The following RCBTB1 variants were observed in gnomAD, a reference collection of about 807,000 sequenced individuals.
The protein encoded by RCBTB1 is RCC1 and BTB domain containing protein 1.
A neutral mutation model predicts 62.4 loss-of-function variants in RCBTB1; 46 were observed. The observed-to-expected ratio is 0.74, with a 90% CI of 0.58 to 0.94. The LOEUF (loss-of-function observed/expected upper bound fraction) is 0.94. Ranked by LOEUF, RCBTB1 falls within the 40% of genes least tolerant of loss-of-function variation. The probability of loss-of-function intolerance (pLI) is 0.00; values close to 1 mark genes in which losing one functional copy is unlikely to be tolerated. For synonymous variants in RCBTB1, 222 were observed against 245.8 expected (o/e 0.90, Z 0.91); for missense variants, 565 against 654.9 (o/e 0.86, Z 1.50).
chr13:49,580,519 T>C lies in RCBTB1; in HGVS notation c.-56A>G, dbSNP rs1964038673. On this transcript the variant is annotated 5_prime_UTR_variant, in exon 2 of 13. Transcript: ENST00000378302. ...GGGAGGATCACCTGAGTCCAGGAGG[T>C]TGAGGCTGCAGTGAGCCGTGTTCAC... is the stretch of plus-strand genomic sequence containing the variant. 1 of 152,212 alleles carries C rather than the reference T, an allele frequency of 6.6e-6. No individual in the cohort carries two copies. The highest frequency in any genetic ancestry group is 2.4e-5 in the African/African-American group (1 of 41,420). The allele number at this position is 152,212 out of a possible 1,614,324, so 9.4% of individuals were successfully genotyped here.
rs748260501 is a variant in RCBTB1, at chr13:49,549,639, C to A, written c.864G>T (p.Glu288Asp). ...TGTGGGCAGAGTGACAGGCTGCAATCTCTACCACCCTGAAAAGTTTTAAGA... is the reference window on the plus strand; with the variant it reads ...TGTGGGCAGAGTGACAGGCTGCAATATCTACCACCCTGAAAAGTTTTAAGA... ...HIMVEKERVV[E>D]IAACHSAHTS... is the part of the protein sequence containing the mutation. Residue 288 changes from glutamate to aspartate, a missense_variant, in exon 9 of 13, where the codon GAG becomes GAT. Physicochemically the swap from Glu to Asp is conservative, Grantham distance 45 (BLOSUM62 2). Coordinates refer to ENST00000378302, the MANE Select transcript of RCBTB1 (RefSeq NM_018191.4). The A allele has an allele frequency of 1.9e-6, 3 of 1,604,430 alleles. No individual in the cohort carries two copies. The South Asian group carries it at 3.3e-5, about 18-fold the overall frequency.
intron 10 of RCBTB1, among the ~76,000 whole-genome samples, chr13:49,543,064 A>C (rs1355336627): frequency 6.6e-6 from 1 of 152,180 alleles, no homozygotes; most frequent in Non-Finnish European, 1.5e-5. Flanking sequence ...GGAGTTTGAG[A>C]CCGGCCTGGC....
At chr13:49,555,788 A>G (rs113516369) in intron 5 of RCBTB1, 115 bp from the exon 6 acceptor site, 19 of 769,384 alleles carry the variant, frequency 2.5e-5, no homozygotes, top group African/African-American at 2.1e-4. Flanking sequence ...AAGATGTGCT[A>G]AACGGTTCTA....
chr13:49,538,931 GC>G (rs1344224433), intron 12 of RCBTB1, among the ~76,000 whole-genome samples: 1 of 150,170 alleles, frequency 6.7e-6, no homozygotes, highest in Non-Finnish European at 1.5e-5. Flanking sequence ...TGTTGCCCAG[GC>G]TGGAGTGCAG....
At chr13:49,572,818 A>C (rs1236583869) in intron 2 of RCBTB1, among the ~76,000 whole-genome samples, 1 of 152,174 alleles carries the variant, frequency 6.6e-6, no homozygotes, top group Non-Finnish European at 1.5e-5. Flanking sequence ...TAATAATAAT[A>C]ATCACTCCAG....
At chr13:49,556,629 G>A (rs1284584300) in intron 5 of RCBTB1, among the ~76,000 whole-genome samples, 1 of 152,126 alleles carries the variant, frequency 6.6e-6, no homozygotes, top group Non-Finnish European at 1.5e-5. Context: ...GTGGCTGCAG[G>A]AGGTGGTCCA....
chr13:49,552,232 G>C lies in RCBTB1; in HGVS notation c.657C>G (p.Gly219=), dbSNP rs1288987740. Reference sequence around the variant, plus strand: ...CCACTCTCACAGGGGTCAGCTGGTTGCCATTGTTTCCCAGGCCCAGCTGAC... The same window carrying C: ...CCACTCTCACAGGGGTCAGCTGGTTCCCATTGTTTCCCAGGCCCAGCTGAC... ...GNGQLGLGNN[G]NQLTPVRVAA... The change falls in exon 7 of 13, where the codon GGC becomes GGG. Residue 219 remains glycine, a synonymous_variant. Coordinates refer to ENST00000378302, the MANE Select transcript of RCBTB1 (RefSeq NM_018191.4). 6.2e-7 allele frequency: 1 copy of C among 1,601,512 alleles called. No individual in the cohort carries two copies. The highest frequency in any genetic ancestry group is 8.5e-7 in the Non-Finnish European group (1 of 1,173,678).
At position 49,544,967 on chromosome 13, in the gene RCBTB1, GT is replaced by G. The variant is rs202120148; in HGVS notation, c.1046-105del. The G allele has an allele frequency of 6.2e-5, 50 of 802,466 alleles. 1 individual carries two copies. The highest frequency in any genetic ancestry group is 2.1e-4 in the South Asian group (11 of 52,370). 49.7% of individuals were successfully genotyped at this position (802,466 alleles called of 1,614,324 possible). A position where few individuals can be genotyped will look rare whatever the true frequency, so the allele number is the denominator to read the frequency against. ...ATGACCGTGATGGATAATTCCACTTGTTTTTTTTTCAAGAGTTCATACCTTG... is the reference window on the plus strand; with the variant it reads ...ATGACCGTGATGGATAATTCCACTTGTTTTTTTTCAAGAGTTCATACCTTG... On this transcript the variant is annotated intron_variant, in intron 9 of 12. Transcript: ENST00000378302.
intron 6 of RCBTB1, among the ~76,000 whole-genome samples, chr13:49,554,700 G>C (rs1208199126): frequency 6.6e-6 from 1 of 152,154 alleles, no homozygotes; most frequent in African/African-American, 2.4e-5. Flanking sequence ...AAGGCATCTA[G>C]GCTGTGCGCT....
chr13:49,534,805 G>A (rs575490709), intron 12 of RCBTB1, among the ~76,000 whole-genome samples: 14 of 152,212 alleles, frequency 9.2e-5, no homozygotes, highest in African/African-American at 3.4e-4. Flanking sequence ...AGGCCGAGGC[G>A]GGCGGATCAC....
intron 2 of RCBTB1, among the ~76,000 whole-genome samples, chr13:49,571,877 T>G (rs1218662160): frequency 1.3e-5 from 2 of 152,192 alleles, no homozygotes; most frequent in African/African-American, 4.8e-5. Flanking sequence ...GAAAACCACA[T>G]TAAGGATCAT....
intron 9 of RCBTB1, among the ~76,000 whole-genome samples, chr13:49,548,016 C>T (rs1392364415): frequency 1.3e-5 from 2 of 152,074 alleles, no homozygotes; most frequent in Non-Finnish European, 2.9e-5. Flanking sequence ...TGAGCTCAAG[C>T]AATCCACCCA....
Position 49,541,829 on chromosome 13 carries a change from TA to T in RCBTB1, c.1173-3del. ...AACATGGATCGAAAATGCTCACACC[TA>T]AAACAGCAAAGCAAAAGTCTTATTT... On this transcript the variant is annotated splice_polypyrimidine_tract_variant and splice_region_variant and intron_variant, in intron 10 of 12. Transcript: ENST00000378302. The T allele has an allele frequency of 6.2e-7, 1 of 1,600,778 alleles. No individual in the cohort carries two copies. Among genetic ancestry groups the T allele is most frequent in the Non-Finnish European group, 8.5e-7 (1 of 1,176,138 alleles).
intron 4 of RCBTB1, among the ~76,000 whole-genome samples, chr13:49,563,869 A>G (rs1320463650): frequency 1.3e-5 from 2 of 152,246 alleles, no homozygotes; most frequent in African/African-American, 2.4e-5. Context: ...AAGGCTAGAT[A>G]CTAAAACCTG....
Position 49,532,574 on chromosome 13 carries a change from CT to C in RCBTB1, c.*1547del, listed in dbSNP as rs1250008184. On this transcript the variant is annotated 3_prime_UTR_variant, in exon 13 of 13. Transcript: ENST00000378302. ...CGACTAATTCACTGGGCTTCAATCA[CT>C]TGTGATATGGTCAAGAAAAGGGGGC... 3 of 152,504 alleles carry C rather than the reference CT, an allele frequency of 2.0e-5. No individual in the cohort carries two copies. The highest frequency in any genetic ancestry group is 7.2e-5 in the African/African-American group (3 of 41,420). 9.4% of individuals were successfully genotyped at this position (152,504 alleles called of 1,614,324 possible).
chr13:49,553,521 C>T (rs190380648), intron 6 of RCBTB1, among the ~76,000 whole-genome samples: 26 of 152,262 alleles, frequency 1.7e-4, no homozygotes, highest in Admixed American at 4.6e-4. Flanking sequence ...GGAGGCCCAT[C>T]TGCTGAAAGT....
At chr13:49,582,052 A>G (rs956131482) in intron 1 of RCBTB1, among the ~76,000 whole-genome samples, 1 of 152,376 alleles carries the variant, frequency 6.6e-6, no homozygotes, top group Middle Eastern at 3.4e-3. Flanking sequence ...GTTTTCTGTT[A>G]ACCTTTTTAA....
chr13:49,543,137 G>A (rs1277176227), intron 10 of RCBTB1, among the ~76,000 whole-genome samples: 2 of 152,000 alleles, frequency 1.3e-5, no homozygotes, highest in African/African-American at 4.8e-5. Flanking sequence ...GTTAGTGCAC[G>A]ATTGTAATCC....
intron 2 of RCBTB1, among the ~76,000 whole-genome samples, chr13:49,578,466 C>G (rs1444528894): frequency 2.0e-5 from 3 of 152,148 alleles, no homozygotes; most frequent in African/African-American, 7.2e-5. Flanking sequence ...CCAACAATGC[C>G]AGGGACATCA....
Sources: gnomAD v4.1 joint callset for allele counts (sites outside exome capture counted in the v4.1 genomes callset) on GRCh38, gnomAD v4.1.1 for gene constraint, MANE v1.5 for transcripts, NCBI Gene and HGNC (gene_info 2026-07-23, HGNC 2026-07-21) for gene names.